Variants in DIAPH2 observed in about 807,000 individuals in gnomAD.
DIAPH2 encodes diaphanous related formin 2, also known as protein diaphanous homolog 2.
In DIAPH2, 35 loss-of-function variants were observed where a neutral mutation model predicts 92.7. The observed-to-expected ratio is 0.38, with a 90% CI of 0.29 to 0.50. The LOEUF is 0.50. DIAPH2 is among the 20% of genes least tolerant of loss of function. DIAPH2 has a pLI of 0.94. For synonymous variants in DIAPH2, 301 were observed against 280.4 expected (o/e 1.07, Z -0.73); for missense variants, 701 against 819.5 (o/e 0.86, Z 1.77).
chrX:97,485,647 G>A (rs1357353073), intron 26 of DIAPH2, among the ~76,000 whole-genome samples: 3 of 112,862 alleles, frequency 2.7e-5, no homozygotes. Context: ...TTTTTACACA[G>A]CTTTTGTTGA....
chrX:97,415,644 A>G (rs1210827966), intron 25 of DIAPH2, among the ~76,000 whole-genome samples: 4 of 103,438 alleles, frequency 3.9e-5, no homozygotes, highest in Non-Finnish European at 7.9e-5. Flanking sequence ...ATAGGTGGGA[A>G]TCTAACAATG....
intron 22 of DIAPH2, among the ~76,000 whole-genome samples, chrX:97,241,725 C>G (rs1019734368): frequency 9.2e-6 from 1 of 108,133 alleles, no homozygotes; most frequent in Non-Finnish European, 1.9e-5. Flanking sequence ...ATCAGTGCTA[C>G]TATGAGGCAA....
chrX:96,881,224 T>G (rs1023517450), intron 4 of DIAPH2, among the ~76,000 whole-genome samples: 4 of 111,661 alleles, frequency 3.6e-5, no homozygotes, highest in African/African-American at 1.3e-4. Flanking sequence ...CTAGGAAAAT[T>G]AATAAGATGA....
chrX:97,475,272 G>A (rs1194389027), intron 26 of DIAPH2, among the ~76,000 whole-genome samples: 1 of 111,892 alleles, frequency 8.9e-6, no homozygotes, highest in Non-Finnish European at 1.9e-5. Flanking sequence ...AGTAGAAAAG[G>A]TCTCCTTTTG....
chrX:97,066,537 A>G (rs2066635450), intron 17 of DIAPH2, among the ~76,000 whole-genome samples: 1 of 111,977 alleles, frequency 8.9e-6, no homozygotes, highest in Non-Finnish European at 1.9e-5. Context: ...TAAGTGTACT[A>G]CTTTGAGGTA....
chrX:96,843,798 T>G (rs946930790), intron 4 of DIAPH2, among the ~76,000 whole-genome samples: 2 of 111,702 alleles, frequency 1.8e-5, no homozygotes, highest in African/African-American at 6.5e-5. Context: ...GGTGGAAGAT[T>G]ATCCGTGGAC....
intron 23 of DIAPH2, among the ~76,000 whole-genome samples, chrX:97,334,710 C>T (rs1172022221): frequency 1.9e-5 from 2 of 107,436 alleles, no homozygotes; most frequent in African/African-American, 3.4e-5. Flanking sequence ...AGAGCAGGCA[C>T]GGTGGCTCAC....
intron 22 of DIAPH2, among the ~76,000 whole-genome samples, chrX:97,215,191 T>A (rs192566887): frequency 8.9e-6 from 1 of 111,800 alleles, no homozygotes; most frequent in Admixed American, 9.5e-5. Flanking sequence ...GACAGTAGCC[T>A]ACTGGTCTGC....
intron 4 of DIAPH2, among the ~76,000 whole-genome samples, chrX:96,807,945 A>C (rs1275566337): frequency 1.8e-4 from 4 of 22,720 alleles, no homozygotes; most frequent in Non-Finnish European, 3.2e-4. Flanking sequence ...TAGAAATAGC[A>C]AAAAAAAAAA....
At chrX:97,508,191 A>T (rs1421878877) in intron 26 of DIAPH2, among the ~76,000 whole-genome samples, 1 of 111,215 alleles carries the variant, frequency 9.0e-6, no homozygotes, top group Admixed American at 9.6e-5. Flanking sequence ...AAATGACATG[A>T]CCTTTTATTT....
chrX:97,223,207 T>G (rs1193322674), intron 22 of DIAPH2, among the ~76,000 whole-genome samples: 1 of 111,608 alleles, frequency 9.0e-6, no homozygotes, highest in East Asian at 2.8e-4. Flanking sequence ...TTTTCCTTTT[T>G]TCATAATGTT....
chrX:96,926,952 A>G (rs2065586155), intron 9 of DIAPH2, among the ~76,000 whole-genome samples: 1 of 111,682 alleles, frequency 9.0e-6, no homozygotes, highest in South Asian at 3.7e-4. Flanking sequence ...AAACATAGCC[A>G]TTATAAAGAC....
intron 22 of DIAPH2, among the ~76,000 whole-genome samples, chrX:97,195,583 C>T (rs1458498767): frequency 6.5e-5 from 7 of 107,318 alleles, no homozygotes; most frequent in Middle Eastern, 4.7e-3. Context: ...ATCGCTTGAA[C>T]CTGGGGGGTG....
At chrX:97,294,613 A>C (rs765898523) in intron 23 of DIAPH2, among the ~76,000 whole-genome samples, 1 of 111,822 alleles carries the variant, frequency 8.9e-6, no homozygotes, top group African/African-American at 3.2e-5. Flanking sequence ...ACAAGAAAAA[A>C]ATCAATAGCA....
At chrX:96,688,143 C>T (rs768169539) in intron 1 of DIAPH2, among the ~76,000 whole-genome samples, 1 of 111,628 alleles carries the variant, frequency 9.0e-6, no homozygotes, top group Non-Finnish European at 1.9e-5. Context: ...TGCAGAACAC[C>T]GCACCCCACA....
In DIAPH2 at chrX:97,562,535, C is replaced by CAA. The variant is rs35539307; in HGVS notation, c.3242-36709_3242-36708dup. 6.3e-3 allele frequency among the ~76,000 whole-genome samples: 637 copies of CAA among 101,249 alleles called. 2 individuals carry two copies. The highest frequency in any genetic ancestry group is 0.015 in the Admixed American group (137 of 9,178). 87.9% of individuals were successfully genotyped at this position (101,249 alleles called of 115,157 possible). Reference sequence around the variant, plus strand: ...TGGGTGACAGAGCAAGACTCCCTCTCAAAAAAAAAATTAAGAAAGGCCATG... The same window carrying CAA: ...TGGGTGACAGAGCAAGACTCCCTCTCAAAAAAAAAAAATTAAGAAAGGCCATG... On this transcript the variant is annotated intron_variant, in intron 26 of 26. Transcript: ENST00000324765.
chrX:97,472,485 A>G (rs73554304), intron 26 of DIAPH2, among the ~76,000 whole-genome samples: 163 of 112,491 alleles, frequency 1.4e-3, no homozygotes, highest in African/African-American at 5.1e-3. Flanking sequence ...CTGTTTCTCT[A>G]GGAAAGGCAG....
chrX:96,719,803 A>T (rs764881907), intron 1 of DIAPH2, among the ~76,000 whole-genome samples: 187 of 112,071 alleles, frequency 1.7e-3, no homozygotes, highest in Non-Finnish European at 3.3e-3. Context: ...GTTACCATTT[A>T]AAAAAAATTT....
intron 3 of DIAPH2, among the ~76,000 whole-genome samples, chrX:96,751,522 G>C (rs1487835949): frequency 9.9e-6 from 1 of 101,403 alleles, no homozygotes; most frequent in Non-Finnish European, 2.0e-5. Flanking sequence ...CTTGCAGTGA[G>C]CCTAGATCTC....
Sources: gnomAD v4.1 joint callset for allele counts (sites outside exome capture counted in the v4.1 genomes callset) on GRCh38, gnomAD v4.1.1 for gene constraint, MANE v1.5 for transcripts, NCBI Gene and HGNC (gene_info 2026-07-23, HGNC 2026-07-21) for gene names.